Variants in CNOT7 observed in about 807,000 individuals in gnomAD.
CNOT7 encodes the protein BTG1-binding factor 1.
CNOT7 carries 4 observed loss-of-function variants against 37.1 expected under a neutral mutation model. The ratio of observed to expected loss-of-function variants is 0.11; its 90% CI spans 0.05 to 0.25. The LOEUF is 0.25. CNOT7 is among the 10% of genes least tolerant of loss of function. The pLI is 1.00. For synonymous variants in CNOT7, 128 were observed against 115.6 expected, an observed-to-expected ratio of 1.11 and a Z score of -0.69; for missense variants, 170 against 336.2, an observed-to-expected ratio of 0.51 and a Z score of 3.87.
rs966355964 is a variant in CNOT7, at chr8:17,226,273, A to G, written c.*4447T>C. 2.6e-5 allele frequency: 4 copies of G among 151,198 alleles called. No individual in the cohort carries two copies. The highest frequency in any genetic ancestry group is 4.8e-5 in the African/African-American group (2 of 41,244). The allele number at this position is 151,198 out of a possible 1,614,324, so 9.4% of individuals were successfully genotyped here. A position where few individuals can be genotyped will look rare whatever the true frequency, so the allele number is the denominator to read the frequency against. On this transcript the variant is annotated 3_prime_UTR_variant, in exon 7 of 7. Coordinates refer to ENST00000361272, the MANE Select transcript of CNOT7 (RefSeq NM_013354.7). ...GGGACGGGAGGTAACATTTTGCTCA[A>G]TTTGGGCTGAAAGTTGGTATCCCCT... is the stretch of plus-strand genomic sequence containing the variant.
At position 17,245,260 on chromosome 8, in the gene CNOT7, A is replaced by C; in HGVS notation, c.-95-13T>G. The C allele has an allele frequency of 8.4e-7, 1 of 1,195,102 alleles. No homozygotes were observed. Among genetic ancestry groups the C allele is most frequent in the South Asian group, 1.8e-5 (1 of 54,678 alleles). 74.0% of individuals were successfully genotyped at this position (1,195,102 alleles called of 1,614,324 possible). ...TTTATTTATGTACCTGTCAAAATAA[A>C]AAAACAATATGAAGACCAGATATAT... is the stretch of plus-strand genomic sequence containing the variant. On this transcript the variant is annotated splice_polypyrimidine_tract_variant and intron_variant, in intron 1 of 6. Transcript: ENST00000361272.
rs2150984623 is a variant in CNOT7 at position 17,236,751 on chromosome 8, A to T, written c.473+461T>A. On this transcript the variant is annotated intron_variant, in intron 4 of 6. Transcript: ENST00000361272. ...CCACCCCCATGAGAATATAAACTCCATGAGGAAAATAATTTTCATCTGTTT... is the reference window on the plus strand; with the variant it reads ...CCACCCCCATGAGAATATAAACTCCTTGAGGAAAATAATTTTCATCTGTTT... 1.3e-5 allele frequency among the ~76,000 whole-genome samples: 2 copies of T among 152,330 alleles called. 1 individual carries two copies. Among genetic ancestry groups the T allele is most frequent in the Middle Eastern group, 6.8e-3 (2 of 294 alleles).
intron 1 of CNOT7, among the ~76,000 whole-genome samples, chr8:17,245,494 A>G (rs544717263): frequency 4.6e-5 from 7 of 152,314 alleles, no homozygotes; most frequent in East Asian, 3.9e-4. Context: ...CATACTAATC[A>G]TATTTTATAA....
At position 17,229,234 on chromosome 8, in the gene CNOT7, A is replaced by G. The variant is rs1188414264; in HGVS notation, c.*1486T>C. ...AAATCACCAGTCATCAACATTTATA[A>G]GAAAACATTTTGAAGCCTTTATTTA... On this transcript the variant is annotated 3_prime_UTR_variant, in exon 7 of 7. Transcript: ENST00000361272. 1 of 152,004 alleles carries G rather than the reference A, an allele frequency of 6.6e-6. No homozygotes were observed. The highest frequency in any genetic ancestry group is 1.5e-5 in the Non-Finnish European group (1 of 67,878). 9.4% of individuals were successfully genotyped at this position (152,004 alleles called of 1,614,324 possible).
intron 6 of CNOT7, chr8:17,231,553 T>C (rs1808609481): frequency 1.0e-6 from 1 of 985,224 alleles, no homozygotes; most frequent in Non-Finnish European, 1.2e-6. Flanking sequence ...TATCAATACA[T>C]TGCTACAAAA....
rs1252751184 is a variant in CNOT7 at position 17,229,342 on chromosome 8, A to G, written c.*1378T>C. ...AGGACCACCCAGTTACAGCACTGTA[A>G]TATCATGAATAAAGAATGTACAAGG... On this transcript the variant is annotated 3_prime_UTR_variant, in exon 7 of 7. Coordinates refer to ENST00000361272, the MANE Select transcript of CNOT7 (RefSeq NM_013354.7). 1.3e-5 allele frequency: 2 copies of G among 152,334 alleles called. No individual in the cohort carries two copies. Among genetic ancestry groups the G allele is most frequent in the Admixed American group, 6.6e-5 (1 of 15,240 alleles). The allele number at this position is 152,334 out of a possible 1,614,324, so 9.4% of individuals were successfully genotyped here.
chr8:17,225,744 TAAAA>T lies in CNOT7; in HGVS notation c.*4972_*4975del, dbSNP rs1467745758. The T allele has an allele frequency of 6.6e-6, 1 of 151,686 alleles. No individual in the cohort carries two copies. Among genetic ancestry groups the T allele is most frequent in the Non-Finnish European group, 1.5e-5 (1 of 67,688 alleles). 9.4% of individuals were successfully genotyped at this position (151,686 alleles called of 1,614,324 possible). The stretch of plus-strand genomic sequence containing the variant: ...AAATAAATGACAGGTAACGTTGTTA[TAAAA>T]GAAACTCTCATATAAATTACACCAA... On this transcript the variant is annotated 3_prime_UTR_variant, in exon 7 of 7. Transcript: ENST00000361272.
At chr8:17,245,316 C>A in intron 1 of CNOT7, 69 bp from the exon 2 acceptor site, 2 of 660,312 alleles carry the variant, frequency 3.0e-6, no homozygotes, top group Non-Finnish European at 4.5e-6. Context: ...ATTGATCCAG[C>A]AGGAACCTAA....
intron 5 of CNOT7, among the ~76,000 whole-genome samples, chr8:17,232,923 A>G (rs1265184149): frequency 1.3e-5 from 2 of 152,050 alleles, no homozygotes; most frequent in Non-Finnish European, 2.9e-5. Flanking sequence ...TTTTTTTCAT[A>G]TTTTCTTAAA....
chr8:17,232,299 G>A, intron 6 of CNOT7, 128 bp downstream of exon 6: 1 of 1,541,080 alleles, frequency 6.5e-7, no homozygotes, highest in South Asian at 1.2e-5. Flanking sequence ...TGGTGGATGT[G>A]ACTCATATGG....
chr8:17,239,506 TC>T (rs1443905518), intron 3 of CNOT7, among the ~76,000 whole-genome samples: 2 of 152,234 alleles, frequency 1.3e-5, no homozygotes, highest in Admixed American at 6.5e-5. Context: ...AAGTGATTTT[TC>T]TTTTTTGAGA....
rs1808229160 is a variant in CNOT7 at position 17,227,352 on chromosome 8, C to T, written c.*3368G>A. The T allele has an allele frequency of 6.6e-6, 1 of 151,866 alleles. No homozygotes were observed. Among genetic ancestry groups the T allele is most frequent in the African/African-American group, 2.4e-5 (1 of 41,514 alleles). 9.4% of individuals were successfully genotyped at this position (151,866 alleles called of 1,614,324 possible). A position where few individuals can be genotyped will look rare whatever the true frequency, so the allele number is the denominator to read the frequency against. Reference sequence around the variant, plus strand: ...CACTTCAAATCCAGCAATGGTTTCTCAAAAAATAAAGCTAGGCAGTACTGA... The same window carrying T: ...CACTTCAAATCCAGCAATGGTTTCTTAAAAAATAAAGCTAGGCAGTACTGA... On this transcript the variant is annotated 3_prime_UTR_variant, in exon 7 of 7. Coordinates refer to ENST00000361272, the MANE Select transcript of CNOT7 (RefSeq NM_013354.7).
intron 2 of CNOT7, chr8:17,243,473 A>C (rs1400039393): frequency 3.7e-6 from 2 of 542,758 alleles, no homozygotes; most frequent in Non-Finnish European, 7.0e-6. Context: ...AAAATCATAA[A>C]TTCCTGTCTC....
intron 3 of CNOT7, 194 bp from the exon 4 acceptor site, chr8:17,237,567 C>T (rs375578318): frequency 9.4e-6 from 5 of 530,062 alleles, no homozygotes; most frequent in East Asian, 2.9e-5. Flanking sequence ...AAAAGTGTTT[C>T]GAATAAAAAA....
chr8:17,232,737 A>T (rs1477482805), intron 5 of CNOT7, among the ~76,000 whole-genome samples, 200 bp from the exon 6 acceptor site: 1 of 152,190 alleles, frequency 6.6e-6, no homozygotes, highest in Non-Finnish European at 1.5e-5. Context: ...ATTTAATAGA[A>T]AACAAGATCC....
intron 3 of CNOT7, among the ~76,000 whole-genome samples, chr8:17,238,587 T>C (rs1357356706): frequency 6.6e-6 from 1 of 151,810 alleles, no homozygotes; most frequent in African/African-American, 2.4e-5. Flanking sequence ...AGAATCTCAT[T>C]CATCAGGTCC....
At chr8:17,237,092 C>G in intron 4 of CNOT7, 120 bp downstream of exon 4, 1 of 936,436 alleles carries the variant, frequency 1.1e-6, no homozygotes, top group Non-Finnish European at 1.7e-6. Context: ...GGAGACAACT[C>G]TATATGGCAG....
At chr8:17,231,750 T>A in intron 6 of CNOT7, 1 of 985,460 alleles carries the variant, frequency 1.0e-6, no homozygotes, top group Middle Eastern at 5.2e-4. Context: ...GAGTAGATAA[T>A]GGGTTCATTT....
In CNOT7 at chr8:17,234,914, TA is replaced by T. The variant is rs35647850; in HGVS notation, c.474-55del. The T allele has an allele frequency of 5.0e-3, 6,891 of 1,384,144 alleles. 7 individuals are homozygous for T. The highest frequency in any genetic ancestry group is 0.019 in the African/African-American group (1,292 of 66,602). The allele number at this position is 1,384,144 out of a possible 1,614,324, so 85.7% of individuals were successfully genotyped here. Reference sequence around the variant, plus strand: ...AGGGACATATAAATACTATAAAGATTAAAAAAAAAAGTTTTTCTGATTCAAA... The same window carrying T: ...AGGGACATATAAATACTATAAAGATTAAAAAAAAAGTTTTTCTGATTCAAA... On this transcript the variant is annotated intron_variant, in intron 4 of 6. Transcript: ENST00000361272.
Sources: allele counts gnomAD v4.1 joint callset (sites outside exome capture counted in the v4.1 genomes callset), GRCh38; gene constraint gnomAD v4.1.1; transcripts MANE v1.5; gene names NCBI Gene and HGNC (gene_info 2026-07-23, HGNC 2026-07-21).